Variants in SKI observed in about 807,000 individuals in gnomAD.
SKI encodes SKI proto-oncogene, also known as ski oncogene.
SKI carries 23 observed loss-of-function variants against 59.3 expected under a neutral mutation model. That is an observed-to-expected ratio of 0.39 (90% CI 0.28 to 0.55). The LOEUF (loss-of-function observed/expected upper bound fraction) is 0.55, where lower values mean the gene tolerates loss of function less well. Ranked by LOEUF, SKI falls within the 20% of genes least tolerant of loss-of-function variation. SKI has a pLI of 0.67. For missense variants in SKI, 1,017 were observed against 1,038.9 expected (o/e 0.98, Z 0.29); for synonymous variants, 673 against 488.6 (o/e 1.38, Z -4.98).
chr1:2,265,578 G>T (rs1303632260), intron 1 of SKI, among the ~76,000 whole-genome samples: 1 of 152,182 alleles, frequency 6.6e-6, no homozygotes, highest in Non-Finnish European at 1.5e-5. Flanking sequence ...GTTTGCGATG[G>T]ATGGATGATT....
intron 1 of SKI, among the ~76,000 whole-genome samples, chr1:2,295,441 T>C (rs772153894): frequency 3.9e-5 from 6 of 152,220 alleles, no homozygotes; most frequent in Non-Finnish European, 7.3e-5. Context: ...TTCCACAGAA[T>C]ATGGTTTAAT....
intron 1 of SKI, among the ~76,000 whole-genome samples, chr1:2,233,127 G>C (rs1018491539): frequency 1.3e-4 from 20 of 152,144 alleles, no homozygotes; most frequent in African/African-American, 4.8e-4. Context: ...TTTCCGTGCA[G>C]GCTGATAACA....
intron 1 of SKI, among the ~76,000 whole-genome samples, chr1:2,234,346 G>A (rs1362897063): frequency 6.6e-6 from 1 of 152,210 alleles, no homozygotes; most frequent in East Asian, 1.9e-4. Context: ...CCCTCTGGGA[G>A]CTGGGCTGGG....
intron 1 of SKI, among the ~76,000 whole-genome samples, chr1:2,272,016 G>A (rs1209880020): frequency 6.6e-6 from 1 of 152,170 alleles, no homozygotes; most frequent in Non-Finnish European, 1.5e-5. Context: ...CCTGTGGGCA[G>A]GTGCAGGGGC....
chr1:2,295,928 C>G (rs950411047), intron 1 of SKI, among the ~76,000 whole-genome samples: 1 of 152,178 alleles, frequency 6.6e-6, no homozygotes, highest in Non-Finnish European at 1.5e-5. Context: ...TTTTCAGTAA[C>G]CTGCGTGTAC....
chr1:2,283,261 G>C (rs1006093189), intron 1 of SKI, among the ~76,000 whole-genome samples: 3 of 152,230 alleles, frequency 2.0e-5, no homozygotes, highest in African/African-American at 7.2e-5. Context: ...TTCTGCGCCA[G>C]GCCTCACTCA....
chr1:2,302,915 G>T, intron 1 of SKI, 63 bp from the exon 2 acceptor site: 2 of 1,611,188 alleles, frequency 1.2e-6, no homozygotes, highest in South Asian at 1.1e-5. Flanking sequence ...CCAGCCACGG[G>T]GCTGGTGGAG....
At chr1:2,239,909 T>C (rs1384306550) in intron 1 of SKI, among the ~76,000 whole-genome samples, 1 of 152,218 alleles carries the variant, frequency 6.6e-6, no homozygotes, top group Non-Finnish European at 1.5e-5. Flanking sequence ...AGCTGCGTCC[T>C]TTGCGGGTCC....
chr1:2,274,459 C>T (rs768280272), intron 1 of SKI, among the ~76,000 whole-genome samples: 2 of 152,094 alleles, frequency 1.3e-5, no homozygotes, highest in African/African-American at 4.8e-5. Flanking sequence ...GGCTGCCTCT[C>T]GCTCGCTCCA....
chr1:2,237,151 G>A (rs1317739029), intron 1 of SKI, among the ~76,000 whole-genome samples: 2 of 152,198 alleles, frequency 1.3e-5, no homozygotes, highest in South Asian at 2.1e-4. Flanking sequence ...GTGACTCCAC[G>A]ACAGCTTGTG....
rs374908358 is a variant in SKI, at chr1:2,299,044, T to G, written c.970-3934T>G. On this transcript the variant is annotated intron_variant, in intron 1 of 6. Coordinates refer to ENST00000378536, the MANE Select transcript of SKI (RefSeq NM_003036.4). ...AGGTTCACAGCAGGCTCTATGTGGTTGTTTTGTGTGGATTTGGGGTGTGAA... is the reference window on the plus strand; with the variant it reads ...AGGTTCACAGCAGGCTCTATGTGGTGGTTTTGTGTGGATTTGGGGTGTGAA... Among the ~76,000 whole-genome samples the G allele has an allele frequency of 1.2e-3, 189 of 152,240 alleles. 4 individuals are homozygous for G. In the South Asian group the frequency reaches 0.035, roughly 28 times the overall value.
At chr1:2,305,286 G>C (rs561689505) in intron 5 of SKI, among the ~76,000 whole-genome samples, 1 of 152,348 alleles carries the variant, frequency 6.6e-6, no homozygotes, top group African/African-American at 2.4e-5. Context: ...AGCTGCCTGG[G>C]GAGAGAGGTG....
chr1:2,229,863 C>G lies in SKI; in HGVS notation c.969+128C>G, dbSNP rs1638592700. 4 of 1,492,450 alleles carry G rather than the reference C, an allele frequency of 2.7e-6. No individual in the cohort carries two copies. The highest frequency in any genetic ancestry group is 4.3e-5 in the Admixed American group (2 of 46,516). 92.5% of individuals were successfully genotyped at this position (1,492,450 alleles called of 1,614,324 possible). Reference sequence around the variant, plus strand: ...CCGTGCCCCATGTCTCCAGTCTTCGCTTTGTTTTAGGGAAATTCAGAGTGT... The same window carrying G: ...CCGTGCCCCATGTCTCCAGTCTTCGGTTTGTTTTAGGGAAATTCAGAGTGT... On this transcript the variant is annotated intron_variant, in intron 1 of 6. Transcript: ENST00000378536. The surrounding 1 kb of genome is among the most constrained non-coding windows in gnomAD (Gnocchi z 6.3).
At chr1:2,292,745 G>T (rs1294717806) in intron 1 of SKI, among the ~76,000 whole-genome samples, 1 of 152,236 alleles carries the variant, frequency 6.6e-6, no homozygotes, top group Admixed American at 6.5e-5. Flanking sequence ...TGCTGGGGAG[G>T]ACGTGAGGGC....
At chr1:2,301,104 T>G (rs1021118454) in intron 1 of SKI, among the ~76,000 whole-genome samples, 1 of 152,158 alleles carries the variant, frequency 6.6e-6, no homozygotes, top group Non-Finnish European at 1.5e-5. Flanking sequence ...CTTCAGTGGC[T>G]GCTTAGACAG....
intron 1 of SKI, among the ~76,000 whole-genome samples, chr1:2,278,997 C>G (rs1553196888): frequency 1.3e-5 from 2 of 152,196 alleles, no homozygotes; most frequent in Non-Finnish European, 2.9e-5. Context: ...CCTCCCCAGA[C>G]AGTAAGCTCC....
chr1:2,278,101 C>T (rs1639785849), intron 1 of SKI, among the ~76,000 whole-genome samples: 1 of 152,224 alleles, frequency 6.6e-6, no homozygotes, highest in Non-Finnish European at 1.5e-5. Flanking sequence ...GAGGCAGGCA[C>T]TTGGGGTGGG....
intron 1 of SKI, chr1:2,240,587 A>G (rs1421691232): frequency 1.0e-6 from 1 of 985,320 alleles, no homozygotes; most frequent in Non-Finnish European, 1.2e-6. Flanking sequence ...AGAAGAAATC[A>G]AGAGGATTTT....
rs985806640 is a variant in SKI at position 2,306,970 on chromosome 1, G to T, written c.*205G>T. On this transcript the variant is annotated 3_prime_UTR_variant, in exon 7 of 7. Transcript: ENST00000378536. ...GGCCAAGTTCAAGTGAGTAAGCCGCGTCCCCCAACTACAGCTGGAGACGGG... is the reference window on the plus strand; with the variant it reads ...GGCCAAGTTCAAGTGAGTAAGCCGCTTCCCCCAACTACAGCTGGAGACGGG... 1 of 331,924 alleles carries T rather than the reference G, an allele frequency of 3.0e-6. No homozygotes were observed. The highest frequency in any genetic ancestry group is 5.1e-5 in the Admixed American group (1 of 19,556). 20.6% of individuals were successfully genotyped at this position (331,924 alleles called of 1,614,324 possible).
Sources: allele counts gnomAD v4.1 joint callset (sites outside exome capture counted in the v4.1 genomes callset), GRCh38; gene constraint gnomAD v4.1.1; non-coding constraint Gnocchi (gnomAD v3.1); transcripts MANE v1.5; gene names NCBI Gene and HGNC (gene_info 2026-07-23, HGNC 2026-07-21).